The following CMSS1 variants were observed in gnomAD, a reference collection of about 807,000 sequenced individuals.
CMSS1 encodes the protein protein CMSS1.
A neutral mutation model predicts 43.5 loss-of-function variants in CMSS1; 33 were observed. The ratio of observed to expected loss-of-function variants is 0.76; its 90% CI spans 0.57 to 1.01. The LOEUF (loss-of-function observed/expected upper bound fraction) is 1.01. CMSS1 is among the 50% of genes least tolerant of loss of function. CMSS1 has a pLI of 0.00. For missense variants in CMSS1, 313 were observed against 326.4 expected (o/e 0.96, Z 0.32); for synonymous variants, 115 against 117.2 (o/e 0.98, Z 0.12).
chr3:100,172,406 A>G lies in CMSS1; in HGVS notation c.667+3A>G, dbSNP rs747591390. The stretch of plus-strand genomic sequence containing the variant: ...AATTAAAGAACTTGTTAAACAAGGT[A>G]TGACAAGAGGGCAGTGATACTCTTG... On this transcript the variant is annotated splice_donor_region_variant and intron_variant, in intron 8 of 9. Transcript: ENST00000421999. The G allele has an allele frequency of 3.7e-6, 6 of 1,610,664 alleles. No homozygotes were observed. Among genetic ancestry groups the G allele is most frequent in the Non-Finnish European group, 5.1e-6 (6 of 1,177,128 alleles).
chr3:100,087,655 T>C (rs1187717355), intron 1 of CMSS1, among the ~76,000 whole-genome samples: 1 of 151,984 alleles, frequency 6.6e-6, no homozygotes, highest in Non-Finnish European at 1.5e-5. Context: ...AACTTGCGAG[T>C]TTTTTTCCCC....
intron 1 of CMSS1, among the ~76,000 whole-genome samples, chr3:99,884,709 T>G (rs1416877445): frequency 6.6e-6 from 1 of 152,222 alleles, no homozygotes. Flanking sequence ...ATAACAATCA[T>G]GTGCGAACTA....
chr3:100,043,936 A>G (rs553117365), intron 1 of CMSS1, among the ~76,000 whole-genome samples: 1 of 152,336 alleles, frequency 6.6e-6, no homozygotes, highest in African/African-American at 2.4e-5. Context: ...GAGATCATAC[A>G]TACTTGTCTT....
At chr3:99,886,671 G>A (rs1339050433) in intron 1 of CMSS1, among the ~76,000 whole-genome samples, 1 of 152,076 alleles carries the variant, frequency 6.6e-6, no homozygotes, top group African/African-American at 2.4e-5. Flanking sequence ...TATCAGTTAG[G>A]TGGCCAGCGT....
chr3:100,174,421 AGAAAAAGCAAAGCTATCCAGACTATT>A (rs769469016), intron 8 of CMSS1, among the ~76,000 whole-genome samples: 102 of 152,296 alleles, frequency 6.7e-4, no homozygotes, highest in Admixed American at 1.4e-3. Flanking sequence ...AGAGAGGAAG[AGAAAAAGCAAAGCTATCCAGACTATT>A]GAAATCAGAT....
chr3:99,988,341 C>CAAAAAAAAAAA (rs63321762), intron 1 of CMSS1, among the ~76,000 whole-genome samples: 4 of 62,292 alleles, frequency 6.4e-5, no homozygotes, highest in Non-Finnish European at 1.0e-4. Flanking sequence ...ACTAAAAATC[C>CAAAAAAAAAAA]AAAAAAAAAA....
chr3:100,158,748 A>AT (rs781555454), intron 2 of CMSS1, among the ~76,000 whole-genome samples: 2 of 152,094 alleles, frequency 1.3e-5, no homozygotes, highest in Non-Finnish European at 2.9e-5. Context: ...TTACATTTTT[A>AT]TTTTTTCTCC....
intron 1 of CMSS1, among the ~76,000 whole-genome samples, chr3:100,032,262 A>T (rs946490448): frequency 2.0e-5 from 3 of 152,210 alleles, no homozygotes; most frequent in African/African-American, 7.2e-5. Flanking sequence ...TTGGCCCTTG[A>T]TTCTGTTTTA....
intron 1 of CMSS1, among the ~76,000 whole-genome samples, chr3:99,906,439 G>A (rs1162682412): frequency 2.0e-5 from 3 of 152,036 alleles, no homozygotes; most frequent in Admixed American, 1.3e-4. Flanking sequence ...TCTTTTGTTG[G>A]TTATACATAA....
chr3:99,833,025 C>A (rs1182356798), intron 1 of CMSS1: 3 of 551,406 alleles, frequency 5.4e-6, no homozygotes, highest in South Asian at 2.5e-5. Context: ...AAGAGAAATA[C>A]ATGCATATGG....
At chr3:99,878,245 C>G (rs977430410) in intron 1 of CMSS1, among the ~76,000 whole-genome samples, 2 of 152,102 alleles carry the variant, frequency 1.3e-5, no homozygotes, top group African/African-American at 4.8e-5. Context: ...ATTAATAGCC[C>G]TCATTTGTTG....
intron 1 of CMSS1, among the ~76,000 whole-genome samples, chr3:99,947,032 G>A (rs1021678755): frequency 6.6e-6 from 1 of 151,642 alleles, no homozygotes; most frequent in Non-Finnish European, 1.5e-5. Context: ...AGATACTCGG[G>A]AGGCTGAGGC....
At chr3:99,872,269 C>CTGTGTGTG (rs55727823) in intron 1 of CMSS1, among the ~76,000 whole-genome samples, 8,022 of 110,726 alleles carry the variant, frequency 0.072, 366 homozygotes, top group East Asian at 0.098. Context: ...TGTGCCAGGA[C>CTGTGTGTG]TGTGTGTGTG....
chr3:99,886,750 T>A (rs1263127532), intron 1 of CMSS1, among the ~76,000 whole-genome samples: 1 of 151,426 alleles, frequency 6.6e-6, no homozygotes, highest in Non-Finnish European at 1.5e-5. Flanking sequence ...GGTTAGGAGT[T>A]CGAGACCAGC....
intron 1 of CMSS1, among the ~76,000 whole-genome samples, chr3:99,832,697 C>T (rs1231750492): frequency 4.3e-5 from 6 of 140,472 alleles, no homozygotes; most frequent in Non-Finnish European, 7.7e-5. Context: ...ACAAAACAGC[C>T]GGGCGTCGTG....
At chr3:99,844,728 C>A (rs1943285943) in intron 1 of CMSS1, among the ~76,000 whole-genome samples, 1 of 152,142 alleles carries the variant, frequency 6.6e-6, no homozygotes, top group African/African-American at 2.4e-5. Context: ...GTGTCCTCAC[C>A]CAAATCTCCT....
chr3:100,095,727 C>T (rs914434261), intron 1 of CMSS1, among the ~76,000 whole-genome samples: 9 of 152,130 alleles, frequency 5.9e-5, no homozygotes, highest in African/African-American at 2.2e-4. Flanking sequence ...ATTTATTGAA[C>T]AATACCCCAC....
At chr3:99,847,135 T>G (rs760237793) in intron 1 of CMSS1, among the ~76,000 whole-genome samples, 4 of 152,284 alleles carry the variant, frequency 2.6e-5, no homozygotes, top group Non-Finnish European at 4.4e-5. Flanking sequence ...ACATACTGTA[T>G]TTTTTAAATA....
At chr3:100,033,199 A>G (rs532397012) in intron 1 of CMSS1, among the ~76,000 whole-genome samples, 2 of 152,344 alleles carry the variant, frequency 1.3e-5, no homozygotes, top group African/African-American at 4.8e-5. Flanking sequence ...AGAAAAAATC[A>G]AACTAATTGT....
Sources: gnomAD v4.1 joint callset for allele counts (sites outside exome capture counted in the v4.1 genomes callset) on GRCh38, gnomAD v4.1.1 for gene constraint, MANE v1.5 for transcripts, NCBI Gene and HGNC (gene_info 2026-07-23, HGNC 2026-07-21) for gene names.